The following NUBPL variants were observed in gnomAD, a reference collection of about 807,000 sequenced individuals.
NUBPL encodes the protein NUBP iron-sulfur cluster assembly factor, mitochondrial.
Under a neutral mutation model 45.7 loss-of-function variants are expected in NUBPL, and 31 were observed. That is an observed-to-expected ratio of 0.68 (90% CI 0.51 to 0.92). NUBPL has a LOEUF of 0.92. NUBPL is among the 40% of genes least tolerant of loss of function. The probability of loss-of-function intolerance (pLI) is 0.00; values close to 1 mark genes in which losing one functional copy is unlikely to be tolerated. For synonymous variants in NUBPL, 144 were observed against 140.9 expected, an observed-to-expected ratio of 1.02 and a Z score of -0.15; for missense variants, 401 against 398.7, an observed-to-expected ratio of 1.01 and a Z score of -0.05.
chr14:31,726,936 T>A lies in NUBPL; in HGVS notation c.513+53362T>A, dbSNP rs370698962. Among the ~76,000 whole-genome samples, 8 of 152,204 alleles carry A rather than the reference T, an allele frequency of 5.3e-5. No homozygotes were observed. The East Asian group carries it at 9.7e-4, about 18-fold the overall frequency. On this transcript the variant is annotated intron_variant, in intron 6 of 10. Coordinates refer to ENST00000281081, the MANE Select transcript of NUBPL (RefSeq NM_025152.3). ...TTTAGCAGCATCTCTGGCTGCTAAA[T>A]ACTCAACAGATATCAGTAGCAACCC...
chr14:31,696,462 C>A (rs1560426), intron 6 of NUBPL, among the ~76,000 whole-genome samples: 44,866 of 152,102 alleles, frequency 0.29, 7,488 homozygotes, highest in South Asian at 0.41. Flanking sequence ...TTCTTTATCT[C>A]GTTACATGGC....
At chr14:31,620,214 T>C (rs939381321) in intron 4 of NUBPL, among the ~76,000 whole-genome samples, 1 of 152,078 alleles carries the variant, frequency 6.6e-6, no homozygotes, top group Non-Finnish European at 1.5e-5. Context: ...CTTCCTGCCA[T>C]TGGGTTAGAA....
intron 7 of NUBPL, among the ~76,000 whole-genome samples, chr14:31,820,919 G>C (rs1010252532): frequency 1.3e-5 from 2 of 150,984 alleles, no homozygotes; most frequent in South Asian, 4.2e-4. Flanking sequence ...TCAGGGGTTC[G>C]AGACCAGCCT....
intron 6 of NUBPL, among the ~76,000 whole-genome samples, chr14:31,713,047 T>C (rs2037612735): frequency 6.6e-6 from 1 of 152,122 alleles, no homozygotes; most frequent in African/African-American, 2.4e-5. Context: ...GGTGATCTGG[T>C]GAGTTTCAGT....
In NUBPL at chr14:31,859,542, T is replaced by C. The variant is rs2040679308; in HGVS notation, c.*362T>C. ...TTAGTAATTTAAATGATATACTAAATTTGTGTATGGGCATAAGTATTACGC... is the reference window on the plus strand; with the variant it reads ...TTAGTAATTTAAATGATATACTAAACTTGTGTATGGGCATAAGTATTACGC... On this transcript the variant is annotated 3_prime_UTR_variant, in exon 11 of 11. Coordinates refer to ENST00000281081, the MANE Select transcript of NUBPL (RefSeq NM_025152.3). 2.9e-6 allele frequency: 1 copy of C among 343,968 alleles called. No individual in the cohort carries two copies. Among genetic ancestry groups the C allele is most frequent in the Non-Finnish European group, 5.6e-6 (1 of 177,862 alleles). The allele number at this position is 343,968 out of a possible 1,614,324, so 21.3% of individuals were successfully genotyped here. A position where few individuals can be genotyped will look rare whatever the true frequency, so the allele number is the denominator to read the frequency against.
chr14:31,734,660 G>A (rs1162466919), intron 6 of NUBPL, among the ~76,000 whole-genome samples: 1 of 151,872 alleles, frequency 6.6e-6, no homozygotes, highest in African/African-American at 2.4e-5. Context: ...CTTTTTAGTT[G>A]AATTTTTTGA....
chr14:31,666,263 A>ATGTAGATATATATATATTTATTATTT, intron 4 of NUBPL, among the ~76,000 whole-genome samples: 8 of 111,888 alleles, frequency 7.2e-5, no homozygotes, highest in African/African-American at 2.5e-4. Flanking sequence ...ATATATATAT[A>ATGTAGATATATATATATTTATTATTT]ATTTTATTTT....
At chr14:31,669,163 T>G (rs2036510480) in intron 4 of NUBPL, among the ~76,000 whole-genome samples, 1 of 152,172 alleles carries the variant, frequency 6.6e-6, no homozygotes, top group Non-Finnish European at 1.5e-5. Flanking sequence ...GTGCCTGGCT[T>G]TATTTTTATT....
At chr14:31,614,023 A>G (rs1338184167) in intron 4 of NUBPL, among the ~76,000 whole-genome samples, 1 of 152,152 alleles carries the variant, frequency 6.6e-6, no homozygotes, top group African/African-American at 2.4e-5. Flanking sequence ...GATTTTTAAA[A>G]TATAAAATTT....
intron 8 of NUBPL, among the ~76,000 whole-genome samples, chr14:31,837,645 C>G (rs1048310223): frequency 1.3e-5 from 2 of 151,734 alleles, no homozygotes; most frequent in African/African-American, 4.8e-5. Flanking sequence ...TGAGGATCAA[C>G]CAAAAAGGAA....
chr14:31,581,600 C>T (rs890089424), intron 3 of NUBPL, among the ~76,000 whole-genome samples: 2 of 152,136 alleles, frequency 1.3e-5, no homozygotes, highest in Non-Finnish European at 2.9e-5. Flanking sequence ...CTTTTAGCAA[C>T]TATGTGAATA....
At chr14:31,726,855 A>ATGTTTTGAGCTGATGATGCTT (rs577652702) in intron 6 of NUBPL, among the ~76,000 whole-genome samples, 228 of 151,690 alleles carry the variant, frequency 1.5e-3, no homozygotes, top group Middle Eastern at 0.01. Flanking sequence ...GGCACTATCA[A>ATGTTTTGAGCTGATGATGCTT]TGTTTTGAGC....
chr14:31,847,870 A>G (rs1330399745), intron 9 of NUBPL, among the ~76,000 whole-genome samples: 3 of 152,202 alleles, frequency 2.0e-5, no homozygotes, highest in African/African-American at 7.2e-5. Flanking sequence ...ATATTCTGCA[A>G]CTGTTTTTCA....
intron 4 of NUBPL, among the ~76,000 whole-genome samples, chr14:31,620,939 C>T (rs531059580): frequency 6.6e-6 from 1 of 152,298 alleles, no homozygotes; most frequent in Admixed American, 6.5e-5. Flanking sequence ...ATCTATAAGT[C>T]CCTGACTGGG....
chr14:31,606,441 G>A lies in NUBPL; in HGVS notation c.382+7062G>A, dbSNP rs151026054. Among the ~76,000 whole-genome samples the A allele has an allele frequency of 1.5e-3, 229 of 152,254 alleles. 1 individual carries two copies. The highest frequency in any genetic ancestry group is 5.3e-3 in the African/African-American group (221 of 41,544). Reference sequence around the variant, plus strand: ...ACTTAAGTGCTTAAAGAATGAGAGTGAACTCTAGTTATTCCTTAAGTCACT... The same window carrying A: ...ACTTAAGTGCTTAAAGAATGAGAGTAAACTCTAGTTATTCCTTAAGTCACT... On this transcript the variant is annotated intron_variant, in intron 4 of 10. Transcript: ENST00000281081.
intron 3 of NUBPL, among the ~76,000 whole-genome samples, chr14:31,580,378 C>T (rs936316937): frequency 5.3e-5 from 8 of 152,128 alleles, no homozygotes; most frequent in Admixed American, 2.0e-4. Flanking sequence ...ATCCCAGCAA[C>T]TTAGGAGGCT....
In NUBPL at chr14:31,798,791, C is replaced by CAAAA. The variant is rs1164176250; in HGVS notation, c.607+10941_607+10944dup. On this transcript the variant is annotated intron_variant, in intron 7 of 10. Coordinates refer to ENST00000281081, the MANE Select transcript of NUBPL (RefSeq NM_025152.3). ...TGGGTGACAGAGCAAGACTCCGTCT[C>CAAAA]AAAAAAAAAAAAAAAAAAAAAAAAA... Among the ~76,000 whole-genome samples, 11 of 53,518 alleles carry CAAAA rather than the reference C, an allele frequency of 2.1e-4. 1 individual carries two copies. Among genetic ancestry groups the CAAAA allele is most frequent in the East Asian group, 6.3e-4 (1 of 1,578 alleles). The allele number at this position is 53,518 out of a possible 152,430, so 35.1% of individuals were successfully genotyped here.
In NUBPL at chr14:31,721,884, T is replaced by C. The variant is rs183164048; in HGVS notation, c.513+48310T>C. On this transcript the variant is annotated intron_variant, in intron 6 of 10. Coordinates refer to ENST00000281081, the MANE Select transcript of NUBPL (RefSeq NM_025152.3). ...AAATGTGGTATTTGGTTTTCTGTTC[T>C]TGTGTTAGTTTGCTAAGGATAATGG... Among the ~76,000 whole-genome samples the C allele has an allele frequency of 1.2e-4, 18 of 152,340 alleles. No individual in the cohort carries two copies. The East Asian group carries it at 2.1e-3, about 18-fold the overall frequency.
chr14:31,728,887 A>C (rs76153146), intron 6 of NUBPL, among the ~76,000 whole-genome samples: 43 of 152,324 alleles, frequency 2.8e-4, no homozygotes, highest in African/African-American at 8.9e-4. Flanking sequence ...GATTATTTAT[A>C]TAGAAGGTTA....
Sources: allele counts gnomAD v4.1 joint callset (sites outside exome capture counted in the v4.1 genomes callset), GRCh38; gene constraint gnomAD v4.1.1; transcripts MANE v1.5; gene names NCBI Gene and HGNC (gene_info 2026-07-23, HGNC 2026-07-21).